FHIT: variants seen among roughly 807,000 people sequenced by gnomAD.
FHIT encodes the protein bis(5'-adenosyl)-triphosphatase.
A neutral mutation model predicts 17.9 loss-of-function variants in FHIT; 19 were observed. That is an observed-to-expected ratio of 1.06 (90% CI 0.74 to 1.56). FHIT has a LOEUF of 1.56. Ranked by LOEUF, FHIT falls within the 40% of genes most tolerant of loss-of-function variation. FHIT has a pLI of 0.00. For synonymous variants in FHIT, 81 were observed against 69.7 expected (o/e 1.16, Z -0.81); for missense variants, 248 against 189.2 (o/e 1.31, Z -1.82).
At chr3:60,604,206 G>A (rs1553670080) in intron 4 of FHIT, among the ~76,000 whole-genome samples, 1 of 152,234 alleles carries the variant, frequency 6.6e-6, no homozygotes. Flanking sequence ...CTTGTGTAGA[G>A]AGAAAACATA....
chr3:60,693,341 A>C (rs2041037057), intron 4 of FHIT, among the ~76,000 whole-genome samples: 1 of 152,188 alleles, frequency 6.6e-6, no homozygotes, highest in African/African-American at 2.4e-5. Context: ...TGGCCTGTCT[A>C]TTTTAATTTC....
At chr3:60,672,714 T>C (rs2040534518) in intron 4 of FHIT, among the ~76,000 whole-genome samples, 1 of 152,216 alleles carries the variant, frequency 6.6e-6, no homozygotes, top group African/African-American at 2.4e-5. Flanking sequence ...ATATTTAATG[T>C]AATGATATAA....
At position 60,173,915 on chromosome 3, in the gene FHIT, A is replaced by ATATATATATATATTTTTTTTTTT; in HGVS notation, c.104-159764_104-159763insAAAAAAAAAAATATATATATATA. Among the ~76,000 whole-genome samples, 17 of 66,422 alleles carry ATATATATATATATTTTTTTTTTT rather than the reference A, an allele frequency of 2.6e-4. 1 individual carries two copies. The highest frequency in any genetic ancestry group is 4.7e-4 in the South Asian group (1 of 2,146). 43.6% of individuals were successfully genotyped at this position (66,422 alleles called of 152,430 possible). Reference sequence around the variant, plus strand: ...TATATATATATATATATATATATATATGTTTTTTTTTTTTTTTGAGATCGA... The same window carrying ATATATATATATATTTTTTTTTTT: ...TATATATATATATATATATATATATATATATATATATATTTTTTTTTTTTGTTTTTTTTTTTTTTTGAGATCGA... On this transcript the variant is annotated intron_variant, in intron 5 of 9. Transcript: ENST00000492590.
At chr3:60,601,847 A>G (rs11712757) in intron 4 of FHIT, among the ~76,000 whole-genome samples, 65,528 of 152,034 alleles carry the variant, frequency 0.43, 16,861 homozygotes, top group Non-Finnish European at 0.56. Context: ...AAGGTTTTGA[A>G]AAGGAAATTC....
chr3:60,191,639 T>A (rs370514114), intron 5 of FHIT, among the ~76,000 whole-genome samples: 7 of 152,128 alleles, frequency 4.6e-5, no homozygotes, highest in African/African-American at 1.7e-4. Context: ...TGAGGCCAGA[T>A]GAATTAATCA....
chr3:60,764,703 G>GA (rs1198965702), intron 4 of FHIT, among the ~76,000 whole-genome samples: 25 of 151,450 alleles, frequency 1.7e-4, no homozygotes, highest in African/African-American at 5.6e-4. Context: ...TATTGATTAA[G>GA]AAAAAACTAG....
At chr3:61,138,208 A>G (rs1458773715) in intron 2 of FHIT, among the ~76,000 whole-genome samples, 2 of 152,218 alleles carry the variant, frequency 1.3e-5, no homozygotes, top group South Asian at 2.1e-4. Context: ...GTCTTAGTCC[A>G]AGACCACACT....
chr3:60,226,093 T>C (rs918107492), intron 5 of FHIT, among the ~76,000 whole-genome samples: 1 of 152,148 alleles, frequency 6.6e-6, no homozygotes, highest in Non-Finnish European at 1.5e-5. Flanking sequence ...ACAAATGGTC[T>C]CAGGGGAATC....
intron 8 of FHIT, among the ~76,000 whole-genome samples, chr3:59,863,644 G>T (rs1235383046): frequency 2.0e-5 from 3 of 152,168 alleles, no homozygotes; most frequent in Non-Finnish European, 4.4e-5. Flanking sequence ...TTCTGAATAT[G>T]AAAACAAGTG....
chr3:60,869,733 G>T (rs1224565891), intron 3 of FHIT, among the ~76,000 whole-genome samples: 1 of 152,088 alleles, frequency 6.6e-6, no homozygotes, highest in Admixed American at 6.6e-5. Flanking sequence ...AGACTCCACA[G>T]CCACCCCAGA....
At position 61,028,823 on chromosome 3, in the gene FHIT, A is replaced by G. The variant is rs2032864314; in HGVS notation, c.-111+13224T>C. ...GTTGAAATGGCTGACTTTGGGGACT[A>G]GGAGGGTGCAGGAACTAGACAGAGG... On this transcript the variant is annotated intron_variant, in intron 3 of 9. Coordinates refer to ENST00000492590, the MANE Select transcript of FHIT (RefSeq NM_002012.4). Among the ~76,000 whole-genome samples the G allele has an allele frequency of 1.3e-5, 2 of 151,552 alleles. 1 individual carries two copies. The highest frequency in any genetic ancestry group is 4.2e-4 in the South Asian group (2 of 4,762).
chr3:60,105,043 G>T (rs1433265427), intron 5 of FHIT, among the ~76,000 whole-genome samples: 1 of 152,148 alleles, frequency 6.6e-6, no homozygotes, highest in Non-Finnish European at 1.5e-5. Flanking sequence ...CTTTGGCTGG[G>T]TGACTGCTCT....
chr3:60,893,166 CT>C (rs1705603511), intron 3 of FHIT, among the ~76,000 whole-genome samples: 1 of 152,180 alleles, frequency 6.6e-6, no homozygotes, highest in Admixed American at 6.5e-5. Context: ...GCATCCTTAT[CT>C]CTGAAGATGG....
chr3:60,532,202 C>A (rs1051033632), intron 5 of FHIT, among the ~76,000 whole-genome samples: 1 of 152,128 alleles, frequency 6.6e-6, no homozygotes, highest in Non-Finnish European at 1.5e-5. Flanking sequence ...TCAATTCATC[C>A]ACAAATGTTG....
chr3:60,504,891 G>T (rs1388946938), intron 5 of FHIT, among the ~76,000 whole-genome samples: 2 of 152,094 alleles, frequency 1.3e-5, no homozygotes, highest in African/African-American at 4.8e-5. Flanking sequence ...ACTACATTAT[G>T]TTCAATAGTC....
intron 5 of FHIT, among the ~76,000 whole-genome samples, chr3:60,237,261 C>CTTTTT (rs1491397783): frequency 1.6e-5 from 2 of 123,570 alleles, no homozygotes; most frequent in African/African-American, 7.0e-5. Flanking sequence ...TTTGTTTTTC[C>CTTTTT]ATTTTTTTTT....
chr3:60,341,075 T>C (rs574032985), intron 5 of FHIT, among the ~76,000 whole-genome samples: 7 of 152,318 alleles, frequency 4.6e-5, no homozygotes, highest in Non-Finnish European at 7.3e-5. Flanking sequence ...GGCTGACTTT[T>C]GGTATCTGCA....
intron 5 of FHIT, among the ~76,000 whole-genome samples, chr3:60,279,280 T>C (rs1281559348): frequency 6.6e-6 from 1 of 152,108 alleles, no homozygotes; most frequent in Non-Finnish European, 1.5e-5. Context: ...TCAAATTTGA[T>C]AACTTAGATA....
chr3:59,925,408 T>C (rs1282745427), intron 7 of FHIT, among the ~76,000 whole-genome samples: 1 of 152,186 alleles, frequency 6.6e-6, no homozygotes, highest in Non-Finnish European at 1.5e-5. Flanking sequence ...GTCCAGTATG[T>C]GGAGACATCT....
Sources: allele counts gnomAD v4.1 joint callset (sites outside exome capture counted in the v4.1 genomes callset), GRCh38; gene constraint gnomAD v4.1.1; transcripts MANE v1.5; gene names NCBI Gene and HGNC (gene_info 2026-07-23, HGNC 2026-07-21).